The following JAG2 variants were observed in gnomAD, a reference collection of about 807,000 sequenced individuals.
JAG2 encodes jagged canonical Notch ligand 2.
In JAG2, 46 loss-of-function variants were observed where a neutral mutation model predicts 141.7. That is an observed-to-expected ratio of 0.32 (90% CI 0.26 to 0.42). The LOEUF is 0.42. Ranked by LOEUF, JAG2 falls within the 10% of genes least tolerant of loss-of-function variation. The pLI is 1.00. For missense variants in JAG2, 1,500 were observed against 1,817.5 expected (o/e 0.83, Z 3.18); for synonymous variants, 862 against 763.5 (o/e 1.13, Z -2.13).
intron 7 of JAG2, 94 bp from the exon 8 acceptor site, chr14:105,151,833 G>T (rs1201790770): frequency 6.2e-7 from 1 of 1,604,038 alleles, no homozygotes; most frequent in African/African-American, 1.3e-5. Context: ...CAAGCTGGGG[G>T]TCAGGGGCCC....
chr14:105,149,597 C>T (rs989084247), intron 12 of JAG2, among the ~76,000 whole-genome samples: 3 of 151,804 alleles, frequency 2.0e-5, no homozygotes, highest in Non-Finnish European at 2.9e-5. Context: ...CTGCTGCTGG[C>T]AGGAAGGACA....
Position 105,167,826 on chromosome 14 carries a change from C to CCGCGCT in JAG2, c.342_347dup (p.Arg120_Ala121dup), listed in dbSNP as rs1888967976. The CCGCGCT allele has an allele frequency of 1.4e-6, 2 of 1,473,858 alleles. No homozygotes were observed. The highest frequency in any genetic ancestry group is 9.0e-7 in the Non-Finnish European group (1 of 1,117,264). 91.3% of individuals were successfully genotyped at this position (1,473,858 alleles called of 1,614,324 possible). A position where few individuals can be genotyped will look rare whatever the true frequency, so the allele number is the denominator to read the frequency against. On this transcript the variant is annotated inframe_insertion, in exon 2 of 26. Coordinates refer to ENST00000331782, the MANE Select transcript of JAG2 (RefSeq NM_002226.5). This position sits in a 1 kb window ranked among gnomAD's most constrained non-coding sequence, Gnocchi z 4.8. ...GGTCGCCGCCGGCCCGGGCCCGCGC[C>CCGCGCT]CGCGCTCGGTCCCCCGCAGCGCCCG...
At position 105,147,001 on chromosome 14, in the gene JAG2, T is replaced by C. The variant is rs1433383376; in HGVS notation, c.2480-277A>G. 8 of 609,296 alleles carry C rather than the reference T, an allele frequency of 1.3e-5. No homozygotes were observed. The East Asian group carries it at 1.7e-4, about 13-fold the overall frequency. 37.7% of individuals were successfully genotyped at this position (609,296 alleles called of 1,614,324 possible). On this transcript the variant is annotated intron_variant, in intron 20 of 25. Transcript: ENST00000331782. ...CTGCGTCGGACCAGCCAAGGGGTGC[T>C]GGACAGACAGCTGGGCCAACACCCA... is the stretch of plus-strand genomic sequence containing the variant.
rs1888263534 is a variant in JAG2, at chr14:105,147,534, T to C, written c.2366-7A>G. The C allele has an allele frequency of 3.1e-6, 5 of 1,611,768 alleles. No homozygotes were observed. The highest frequency in any genetic ancestry group is 3.4e-6 in the Non-Finnish European group (4 of 1,179,066). On this transcript the variant is annotated splice_polypyrimidine_tract_variant and splice_region_variant and intron_variant, in intron 18 of 25. Coordinates refer to ENST00000331782, the MANE Select transcript of JAG2 (RefSeq NM_002226.5). ...GGGTTGCAGTCGTTGGTATCTGGTTTGGGAGAAGAGAACGCAGGGGATCAG... is the reference window on the plus strand; with the variant it reads ...GGGTTGCAGTCGTTGGTATCTGGTTCGGGAGAAGAGAACGCAGGGGATCAG...
intron 3 of JAG2, 82 bp downstream of exon 3, chr14:105,157,624 C>T (rs1888619128): frequency 7.8e-7 from 1 of 1,283,492 alleles, no homozygotes; most frequent in Admixed American, 2.0e-5. Flanking sequence ...AAGGCTTTGT[C>T]CCAAGCAGAC....
At chr14:105,145,666 CGCCATGCCACGAGCAGATGCCGGCGTGTG>C in intron 23 of JAG2, 36 bp downstream of exon 23, 1 of 1,542,306 alleles carries the variant, frequency 6.5e-7, no homozygotes, top group African/African-American at 1.4e-5. Flanking sequence ...GCTAGGCTTT[CGCCATGCCACGAGCAGATGCCGGCGTGTG>C]GCCTCTGCAA....
rs774498617 is a variant in JAG2 at position 105,150,734 on chromosome 14, C to T, written c.1472G>A (p.Gly491Glu). ...TCGTTCCAGCTCGCAATGCCGGCCT[C>T]CGAAGCCCCGTGGGCACACACACTG... The part of the protein sequence containing the change: ...GYQCVCPRGF[G>E]GRHCELERDE... Residue 491 changes from glycine (G) to glutamate (E), a missense_variant, in exon 12 of 26, where the codon GGA becomes GAA. Gly to Glu is a moderately conservative substitution (Grantham distance 98). Coordinates refer to ENST00000331782, the MANE Select transcript of JAG2 (RefSeq NM_002226.5). The T allele has an allele frequency of 1.3e-6, 2 of 1,580,350 alleles. No individual in the cohort carries two copies. The highest frequency in any genetic ancestry group is 1.7e-6 in the Non-Finnish European group (2 of 1,163,800).
intron 23 of JAG2, 41 bp downstream of exon 23, chr14:105,145,690 C>T (rs749361360): frequency 5.0e-5 from 78 of 1,565,476 alleles, no homozygotes; most frequent in Non-Finnish European, 6.2e-5. Context: ...CAGATGCCGG[C>T]GTGTGGCCTC....
intron 2 of JAG2, among the ~76,000 whole-genome samples, chr14:105,158,085 G>A (rs1002192687): frequency 1.3e-5 from 2 of 152,220 alleles, no homozygotes; most frequent in African/African-American, 4.8e-5. Context: ...GCGACCGGGG[G>A]GAGAGGTGGG....
At chr14:105,149,147 C>A in intron 13 of JAG2, 23 bp downstream of exon 13, 1 of 1,607,842 alleles carries the variant, frequency 6.2e-7, no homozygotes. Flanking sequence ...ACCTCCCCCA[C>A]CACCCCATGC....
In JAG2 at chr14:105,154,331, C is replaced by T. The variant is rs1888519479; in HGVS notation, c.788+1231G>A. On this transcript the variant is annotated intron_variant, in intron 5 of 25. Coordinates refer to ENST00000331782, the MANE Select transcript of JAG2 (RefSeq NM_002226.5). The surrounding 1 kb of genome is among the most constrained non-coding windows in gnomAD (Gnocchi z 4.4). ...CTGGCTGGAGGGCGGTGCTCACCTC[C>T]ACCTGCTGTCTCTCCACCCGCTCGC... 6.6e-6 allele frequency among the ~76,000 whole-genome samples: 1 copy of T among 152,206 alleles called. No individual in the cohort carries two copies.
At chr14:105,151,538 C>A (rs1031725096) in intron 8 of JAG2, 88 bp downstream of exon 8, 2 of 1,336,450 alleles carry the variant, frequency 1.5e-6, no homozygotes, top group Admixed American at 2.0e-5. Context: ...TGGACTTGAC[C>A]ACTGCACCCC....
In JAG2 at chr14:105,168,002, G is replaced by T. The variant is rs750490578; in HGVS notation, c.172C>A (p.Arg58Ser). The change falls in exon 2 of 26, where the codon CGC becomes AGC. Residue 58 changes from arginine to serine, a missense_variant. Arg to Ser is a moderately radical substitution (Grantham distance 110). Coordinates refer to ENST00000331782, the MANE Select transcript of JAG2 (RefSeq NM_002226.5). ...TCGTCGTGGCCGCAGCCCCCCGCGC[G>T]CGTTGTCCGGCCGTCGCCGTCACAG... Reference protein sequence around the residue: ...ACCDGDGRTTRAGGCGHDECD... With the variant: ...ACCDGDGRTTSAGGCGHDECD... 4 of 1,600,148 alleles carry T rather than the reference G, an allele frequency of 2.5e-6. No individual in the cohort carries two copies. The highest frequency in any genetic ancestry group is 3.4e-6 in the Non-Finnish European group (4 of 1,177,172).
rs1394864214 is a variant in JAG2, at chr14:105,167,346, C to G, written c.417+411G>C. On this transcript the variant is annotated intron_variant, in intron 2 of 25. Coordinates refer to ENST00000331782, the MANE Select transcript of JAG2 (RefSeq NM_002226.5). The surrounding 1 kb of genome is among the most constrained non-coding windows in gnomAD (Gnocchi z 4.8). ...AAACTGCAGGGCAGGCGCAGGCTGG[C>G]CACGGGCCCGGGGCGGCTCAGTCAG... 2.0e-5 allele frequency among the ~76,000 whole-genome samples: 3 copies of G among 152,094 alleles called. No homozygotes were observed. Among genetic ancestry groups the G allele is most frequent in the Non-Finnish European group, 4.4e-5 (3 of 67,986 alleles).
intron 24 of JAG2, among the ~76,000 whole-genome samples, chr14:105,144,610 A>C (rs920097464): frequency 6.6e-6 from 1 of 152,188 alleles, no homozygotes; most frequent in Non-Finnish European, 1.5e-5. Context: ...CTCCCAGGGC[A>C]GACTAAGCCC....
intron 2 of JAG2, among the ~76,000 whole-genome samples, chr14:105,160,966 G>A (rs1888729884): frequency 6.6e-6 from 1 of 152,142 alleles, no homozygotes; most frequent in Non-Finnish European, 1.5e-5. Context: ...GAGCCCACAA[G>A]AAGGCCCAGG....
In JAG2 at chr14:105,148,444, G is replaced by A. The variant is rs1463569287; in HGVS notation, c.2021-5C>T. On this transcript the variant is annotated splice_region_variant and splice_polypyrimidine_tract_variant and intron_variant, in intron 15 of 25. Coordinates refer to ENST00000331782, the MANE Select transcript of JAG2 (RefSeq NM_002226.5). ...CGGGAAGGCAGTCGTTGGGATCTGG[G>A]GGCGAGGACGCCGGTCAGCGGGCGG... The A allele has an allele frequency of 1.2e-6, 2 of 1,608,396 alleles. No homozygotes were observed. Among genetic ancestry groups the A allele is most frequent in the East Asian group, 2.2e-5 (1 of 44,806 alleles).
rs1352340644 is a variant in JAG2 at position 105,142,541 on chromosome 14, T to C, written c.*154A>G. ...AGTTACTGAATAATTTATACAAGGTTAAAGAAACGTAGAAAATAAACATTT... is the reference window on the plus strand; with the variant it reads ...AGTTACTGAATAATTTATACAAGGTCAAAGAAACGTAGAAAATAAACATTT... On this transcript the variant is annotated 3_prime_UTR_variant, in exon 26 of 26. Coordinates refer to ENST00000331782, the MANE Select transcript of JAG2 (RefSeq NM_002226.5). 4.9e-6 allele frequency: 3 copies of C among 617,114 alleles called. No individual in the cohort carries two copies. The African/African-American group carries it at 5.5e-5, about 11-fold the overall frequency. The allele number at this position is 617,114 out of a possible 1,614,324, so 38.2% of individuals were successfully genotyped here.
chr14:105,157,833 G>T, intron 2 of JAG2, 70 bp from the exon 3 acceptor site: 2 of 1,400,296 alleles, frequency 1.4e-6, no homozygotes, highest in Non-Finnish European at 9.8e-7. Flanking sequence ...GTGGGACAAG[G>T]CCCAGGGCTC....
Sources: allele counts gnomAD v4.1 joint callset (sites outside exome capture counted in the v4.1 genomes callset), GRCh38; gene constraint gnomAD v4.1.1; non-coding constraint Gnocchi (gnomAD v3.1); transcripts MANE v1.5; gene names NCBI Gene and HGNC (gene_info 2026-07-23, HGNC 2026-07-21).